CNTN4: variants seen among roughly 807,000 people sequenced by gnomAD.
CNTN4 encodes contactin 4.
CNTN4 carries 77 observed loss-of-function variants against 122.5 expected under a neutral mutation model. That is an observed-to-expected ratio of 0.63 (90% CI 0.52 to 0.76). CNTN4 has a LOEUF of 0.76. Among genes scored for constraint, CNTN4 ranks in the 30% least tolerant of loss-of-function variants. The pLI is 0.00. For synonymous variants in CNTN4, 512 were observed against 447.0 expected (o/e 1.15, Z -1.83); for missense variants, 1,256 against 1,259.1 (o/e 1.00, Z 0.04).
At chr3:2,812,816 G>A (rs910846247) in intron 6 of CNTN4, among the ~76,000 whole-genome samples, 10 of 152,168 alleles carry the variant, frequency 6.6e-5, no homozygotes, top group Non-Finnish European at 1.0e-4. Context: ...GACATTAGAA[G>A]TGAGAATTGA....
In CNTN4 at chr3:2,398,523, C is replaced by T. The variant is rs188124970; in HGVS notation, c.-89+59290C>T. Among the ~76,000 whole-genome samples, 3 of 152,028 alleles carry T rather than the reference C, an allele frequency of 2.0e-5. No individual in the cohort carries two copies. In the East Asian group the frequency reaches 5.8e-4, roughly 29 times the overall value. On this transcript the variant is annotated intron_variant, in intron 3 of 24. Transcript: ENST00000418658. The stretch of plus-strand genomic sequence containing the variant: ...TATGAGAGATTGATTCATTATATTG[C>T]CATTGAGGGGAAAAAGCTATGTAGA...
chr3:3,000,906 G>A (rs1396264946), intron 14 of CNTN4, among the ~76,000 whole-genome samples: 2 of 137,130 alleles, frequency 1.5e-5, no homozygotes, highest in Non-Finnish European at 3.1e-5. Context: ...TGCTTTCAAT[G>A]TGAATTTATC....
At chr3:2,357,275 A>G (rs2044913497) in intron 3 of CNTN4, among the ~76,000 whole-genome samples, 1 of 152,194 alleles carries the variant, frequency 6.6e-6, no homozygotes, top group African/African-American at 2.4e-5. Flanking sequence ...CTACCTTCTT[A>G]TTTCAGACCT....
rs956819569 is a variant in CNTN4, at chr3:2,169,488, G to C, written c.-145+68849G>C. Among the ~76,000 whole-genome samples, 785 of 151,952 alleles carry C rather than the reference G, an allele frequency of 5.2e-3. 2 individuals carry two copies. The highest frequency in any genetic ancestry group is 0.017 in the African/African-American group (716 of 41,456). ...GTGGCGCGATCTCGGCTCACTGCAAGCTCCGCCTCCCGGGTTCCCGCCATT... is the reference window on the plus strand; with the variant it reads ...GTGGCGCGATCTCGGCTCACTGCAACCTCCGCCTCCCGGGTTCCCGCCATT... On this transcript the variant is annotated intron_variant, in intron 2 of 24. Coordinates refer to ENST00000418658, the MANE Select transcript of CNTN4 (RefSeq NM_175607.3).
chr3:2,460,926 C>T (rs1402571013), intron 3 of CNTN4, among the ~76,000 whole-genome samples: 3 of 151,736 alleles, frequency 2.0e-5, no homozygotes, highest in South Asian at 2.1e-4. Flanking sequence ...TTATGGAAGA[C>T]GATAAGCTAA....
rs372581740 is a variant in CNTN4, at chr3:2,802,022, GCTA to G, written c.359-17460_359-17458del. Reference sequence around the variant, plus strand: ...ACATATCATTATTGGTCTAGTTGCTGCTACTATTATTATTACAACTACTTCTAA... The same window carrying G: ...ACATATCATTATTGGTCTAGTTGCTGCTATTATTATTACAACTACTTCTAA... On this transcript the variant is annotated intron_variant, in intron 6 of 24. Transcript: ENST00000418658. Among the ~76,000 whole-genome samples, 62 of 152,244 alleles carry G rather than the reference GCTA, an allele frequency of 4.1e-4. No homozygotes were observed. The East Asian group carries it at 9.4e-3, about 23-fold the overall frequency.
At chr3:2,488,399 T>C (rs2076223251) in intron 3 of CNTN4, among the ~76,000 whole-genome samples, 1 of 152,104 alleles carries the variant, frequency 6.6e-6, no homozygotes, top group South Asian at 2.1e-4. Context: ...ATCCCAAATA[T>C]GTGTATGTTT....
chr3:2,630,910 C>T (rs904169715), intron 4 of CNTN4, among the ~76,000 whole-genome samples: 7 of 152,134 alleles, frequency 4.6e-5, no homozygotes, highest in African/African-American at 1.7e-4. Context: ...ATTTTCAGTT[C>T]ATTCAAAATG....
At chr3:2,922,990 G>A (rs2094443100) in intron 12 of CNTN4, among the ~76,000 whole-genome samples, 1 of 152,180 alleles carries the variant, frequency 6.6e-6, no homozygotes, top group South Asian at 2.1e-4. Flanking sequence ...AAGATTATAT[G>A]CACACCAATA....
intron 7 of CNTN4, among the ~76,000 whole-genome samples, chr3:2,830,150 A>G (rs1444809781): frequency 2.0e-5 from 3 of 152,232 alleles, no homozygotes; most frequent in Admixed American, 1.3e-4. Context: ...GCAGAAACCA[A>G]GAACTTAATG....
At chr3:2,850,115 G>C (rs971348220) in intron 7 of CNTN4, among the ~76,000 whole-genome samples, 1 of 150,940 alleles carries the variant, frequency 6.6e-6, no homozygotes, top group Non-Finnish European at 1.5e-5. Flanking sequence ...TCAGCCTCCC[G>C]AATAGCTGGG....
intron 3 of CNTN4, among the ~76,000 whole-genome samples, chr3:2,396,460 T>C (rs1321702512): frequency 6.6e-6 from 1 of 152,150 alleles, no homozygotes; most frequent in African/African-American, 2.4e-5. Context: ...AAAGCAGTCC[T>C]CACATTGGCT....
chr3:2,477,286 A>C (rs975074306), intron 3 of CNTN4, among the ~76,000 whole-genome samples: 1 of 152,184 alleles, frequency 6.6e-6, no homozygotes, highest in Non-Finnish European at 1.5e-5. Flanking sequence ...ATGACATCTG[A>C]GGTTTTTGTT....
chr3:2,896,399 A>C (rs936465390), intron 10 of CNTN4, among the ~76,000 whole-genome samples: 4 of 152,050 alleles, frequency 2.6e-5, no homozygotes, highest in Admixed American at 2.0e-4. Context: ...CTGTAAGGAG[A>C]CTGATTGGTG....
At chr3:2,670,925 C>T (rs1017826948) in intron 4 of CNTN4, among the ~76,000 whole-genome samples, 1 of 152,184 alleles carries the variant, frequency 6.6e-6, no homozygotes, top group African/African-American at 2.4e-5. Flanking sequence ...ATTGGCCCCC[C>T]ACTCTCTTCT....
At chr3:2,788,515 A>G (rs776861250) in intron 6 of CNTN4, among the ~76,000 whole-genome samples, 2 of 152,234 alleles carry the variant, frequency 1.3e-5, no homozygotes, top group Non-Finnish European at 2.9e-5. Context: ...TAAAAAATAC[A>G]TACGTAAGGA....
intron 2 of CNTN4, among the ~76,000 whole-genome samples, chr3:2,219,373 C>T (rs909418524): frequency 2.6e-5 from 4 of 152,154 alleles, no homozygotes; most frequent in African/African-American, 9.7e-5. Flanking sequence ...CAGATATTCT[C>T]TAAGTGAGTT....
At chr3:2,741,603 G>C (rs577447828) in intron 5 of CNTN4, among the ~76,000 whole-genome samples, 11 of 152,290 alleles carry the variant, frequency 7.2e-5, no homozygotes, top group African/African-American at 2.4e-4. Context: ...TAAACCCAAG[G>C]CTAAATCAAA....
chr3:2,114,320 C>T (rs192933174), intron 2 of CNTN4, among the ~76,000 whole-genome samples: 117 of 152,016 alleles, frequency 7.7e-4, no homozygotes, highest in African/African-American at 2.5e-3. Flanking sequence ...AACTAGCTGG[C>T]GTGTTGGTGC....
Sources: gnomAD v4.1 joint callset for allele counts (sites outside exome capture counted in the v4.1 genomes callset) on GRCh38, gnomAD v4.1.1 for gene constraint, MANE v1.5 for transcripts, NCBI Gene and HGNC (gene_info 2026-07-23, HGNC 2026-07-21) for gene names.